DRC8: variants seen among roughly 807,000 people sequenced by gnomAD.
DRC8 encodes the protein dynein regulatory complex subunit 8.
the DRC8 span, among the ~76,000 whole-genome samples, chr1:245,101,106 A>C: frequency 1.3e-5 from 2 of 152,114 alleles, no homozygotes; most frequent in African/African-American, 4.8e-5. Flanking sequence ...GCTGGTCTCG[A>C]ACTCCTGACC....
At chr1:245,102,123 G>A in the DRC8 span, among the ~76,000 whole-genome samples, 3 of 152,150 alleles carry the variant, frequency 2.0e-5, no homozygotes, top group Non-Finnish European at 4.4e-5. Flanking sequence ...ACAACTCACT[G>A]GTTAAATGGA....
chr1:245,114,709 A>G, the DRC8 span, among the ~76,000 whole-genome samples: 2 of 152,164 alleles, frequency 1.3e-5, no homozygotes, highest in African/African-American at 4.8e-5. Flanking sequence ...GCTATTAATC[A>G]AGGATTTAAA....
At chr1:245,045,749 GACT>G in the DRC8 span, among the ~76,000 whole-genome samples, 1 of 75,858 alleles carries the variant, frequency 1.3e-5, no homozygotes, top group Admixed American at 1.2e-4. Flanking sequence ...CCATTAGTCT[GACT>G]GGTTGTGGAC....
At chr1:245,102,112 C>T in the DRC8 span, among the ~76,000 whole-genome samples, 1 of 152,190 alleles carries the variant, frequency 6.6e-6, no homozygotes, top group Non-Finnish European at 1.5e-5. Context: ...TGCACAGACA[C>T]ACAACTCACT....
chr1:245,032,982 TA>T, the DRC8 span, among the ~76,000 whole-genome samples: 485 of 138,666 alleles, frequency 3.5e-3, 2 homozygotes, highest in African/African-American at 8.5e-3. Context: ...ATTTCAGGAT[TA>T]AAAAAAAAAA....
At chr1:245,070,728 G>T in the DRC8 span, among the ~76,000 whole-genome samples, 1 of 152,062 alleles carries the variant, frequency 6.6e-6, no homozygotes, top group Admixed American at 6.6e-5. Context: ...AAACTTAATT[G>T]CCATGTTTCT....
At chr1:244,982,407 G>A in the DRC8 span, among the ~76,000 whole-genome samples, 3 of 152,258 alleles carry the variant, frequency 2.0e-5, no homozygotes, top group South Asian at 6.2e-4. Flanking sequence ...ACGCATGCCT[G>A]TAATCCCAGC....
the DRC8 span, among the ~76,000 whole-genome samples, chr1:245,024,880 C>T: frequency 6.6e-6 from 1 of 152,144 alleles, no homozygotes. Flanking sequence ...TCTTTCATAT[C>T]TCTTAAAACT....
chr1:244,976,897 A>G, the DRC8 span, among the ~76,000 whole-genome samples: 2 of 152,276 alleles, frequency 1.3e-5, no homozygotes, highest in Non-Finnish European at 2.9e-5. Context: ...CCAAGTGTCC[A>G]TCAGCGGATG....
the DRC8 span, among the ~76,000 whole-genome samples, chr1:245,050,730 A>G: frequency 1.3e-5 from 2 of 152,046 alleles, no homozygotes; most frequent in African/African-American, 2.4e-5. Flanking sequence ...GGTGTACTCT[A>G]TACTTGTGAT....
At chr1:245,005,977 A>G in the DRC8 span, among the ~76,000 whole-genome samples, 1 of 152,172 alleles carries the variant, frequency 6.6e-6, no homozygotes, top group African/African-American at 2.4e-5. Context: ...ACTGGGAAAA[A>G]GCATTATCAC....
the DRC8 span, among the ~76,000 whole-genome samples, chr1:245,028,050 C>A: frequency 6.6e-6 from 1 of 152,034 alleles, no homozygotes; most frequent in African/African-American, 2.4e-5. Context: ...CGCTACCACA[C>A]CCAGCTAAAT....
the DRC8 span, among the ~76,000 whole-genome samples, chr1:245,019,237 T>C: frequency 6.6e-6 from 1 of 152,194 alleles, no homozygotes. Context: ...ATTGTTATTG[T>C]TTTTAGCATT....
chr1:244,973,208 A>T, the DRC8 span, among the ~76,000 whole-genome samples: 1 of 136,340 alleles, frequency 7.3e-6, no homozygotes, highest in African/African-American at 2.6e-5. Context: ...ATACTAATAT[A>T]ATAATTTTGG....
the DRC8 span, among the ~76,000 whole-genome samples, chr1:245,098,695 C>A: frequency 2.0e-5 from 3 of 152,220 alleles, no homozygotes; most frequent in African/African-American, 7.2e-5. Context: ...CCCTTCTCAT[C>A]ACAGTCCGAG....
chr1:245,099,829 C>CTT, the DRC8 span, among the ~76,000 whole-genome samples: 1 of 152,182 alleles, frequency 6.6e-6, no homozygotes, highest in Non-Finnish European at 1.5e-5. Context: ...CTACAATACA[C>CTT]GTTTTTGTAA....
At chr1:244,985,963 A>AT in the DRC8 span, among the ~76,000 whole-genome samples, 2 of 149,190 alleles carry the variant, frequency 1.3e-5, no homozygotes, top group African/African-American at 2.5e-5. Flanking sequence ...TCTTTCTTTT[A>AT]TTTTTTTTTC....
At chr1:245,040,824 T>G in the DRC8 span, among the ~76,000 whole-genome samples, 81 of 152,300 alleles carry the variant, frequency 5.3e-4, no homozygotes, top group Non-Finnish European at 8.7e-4. Flanking sequence ...ATTTGATTTC[T>G]TATTAAGTGT....
the DRC8 span, chr1:245,125,183 G>A: frequency 2.0e-5 from 3 of 152,150 alleles, no homozygotes; most frequent in Non-Finnish European, 4.4e-5. Flanking sequence ...ATGTTGCTAC[G>A]AGCATCCATG....
Sources: allele counts gnomAD v4.1 joint callset (sites outside exome capture counted in the v4.1 genomes callset), GRCh38; gene constraint gnomAD v4.1.1; transcripts MANE v1.5; gene names NCBI Gene and HGNC (gene_info 2026-07-23, HGNC 2026-07-21).